MAML3: variants seen among roughly 807,000 people sequenced by gnomAD.
The protein encoded by MAML3 is mastermind like transcriptional coactivator 3, also known as mastermind-like protein 3.
Under a neutral mutation model 101.9 loss-of-function variants are expected in MAML3, and 27 were observed. The ratio of observed to expected loss-of-function variants is 0.27; its 90% CI spans 0.20 to 0.37. The LOEUF (loss-of-function observed/expected upper bound fraction) is 0.37, where lower values mean the gene tolerates loss of function less well. Among genes scored for constraint, MAML3 ranks in the 10% least tolerant of loss-of-function variants. MAML3 has a pLI of 1.00. For missense variants in MAML3, 1,316 were observed against 1,444.9 expected, an observed-to-expected ratio of 0.91 and a Z score of 1.45; for synonymous variants, 501 against 555.9, an observed-to-expected ratio of 0.90 and a Z score of 1.39.
chr4:139,828,975 GAGGAAGGAAGGAAGGA>G (rs548032946), intron 2 of MAML3, among the ~76,000 whole-genome samples: 7 of 135,088 alleles, frequency 5.2e-5, no homozygotes, highest in African/African-American at 1.4e-4. Context: ...CCTGTTGAAA[GAGGAAGGAAGGAAGGA>G]AGGAAGGAAG....
rs58015886 is a variant in MAML3 at position 139,889,909 on chromosome 4, TTGCTGCTGC to T, written c.1518_1526del (p.Gln508_Gln510del). 7.1e-3 allele frequency: 10,424 copies of T among 1,475,070 alleles called. 339 individuals are homozygous for T. In the African/African-American group the frequency reaches 0.095, roughly 13 times the overall value. The allele number at this position is 1,475,070 out of a possible 1,614,324, so 91.4% of individuals were successfully genotyped here. On this transcript the variant is annotated inframe_deletion, in exon 2 of 5. Coordinates refer to ENST00000509479, the MANE Select transcript of MAML3 (RefSeq NM_018717.5). ...AATTTGAAGTCTGATTTGAGTGCTG[TTGCTGCTGC>T]TGCTGCTGCTGCTGCTGCTGCTGCT...
chr4:139,894,484 T>C (rs1015727095), intron 1 of MAML3, among the ~76,000 whole-genome samples: 35 of 146,926 alleles, frequency 2.4e-4, no homozygotes, highest in African/African-American at 8.4e-4. Flanking sequence ...CACTCTAGCC[T>C]GCTGACAGAG....
intron 1 of MAML3, among the ~76,000 whole-genome samples, chr4:140,130,023 A>T (rs1479738677): frequency 1.3e-5 from 2 of 152,134 alleles, no homozygotes; most frequent in Non-Finnish European, 2.9e-5. Context: ...ATTCTAATGA[A>T]TCCGCAATTG....
At chr4:140,069,433 AG>A (rs1727600143) in intron 1 of MAML3, among the ~76,000 whole-genome samples, 1 of 107,616 alleles carries the variant, frequency 9.3e-6, no homozygotes, top group Non-Finnish European at 2.0e-5. Flanking sequence ...AAGGAGGAGA[AG>A]GAGGAGAAGG....
At chr4:139,759,351 G>A (rs1435100858) in intron 2 of MAML3, among the ~76,000 whole-genome samples, 1 of 152,210 alleles carries the variant, frequency 6.6e-6, no homozygotes. Context: ...GAATGAACCT[G>A]CTGGAACAGG....
intron 2 of MAML3, among the ~76,000 whole-genome samples, chr4:139,743,965 A>T (rs1188719764): frequency 6.6e-6 from 1 of 152,216 alleles, no homozygotes; most frequent in Non-Finnish European, 1.5e-5. Flanking sequence ...CCCTATGGCC[A>T]TAGAGTCCTG....
At chr4:139,748,049 C>T (rs868650471) in intron 2 of MAML3, among the ~76,000 whole-genome samples, 4 of 69,048 alleles carry the variant, frequency 5.8e-5, no homozygotes, top group African/African-American at 1.7e-4. Flanking sequence ...AGCAAGACTT[C>T]GTCTAAAAAA....
At chr4:139,842,356 CCT>C (rs1731376864) in intron 2 of MAML3, among the ~76,000 whole-genome samples, 1 of 152,100 alleles carries the variant, frequency 6.6e-6, no homozygotes, top group Non-Finnish European at 1.5e-5. Flanking sequence ...ATTATTATCC[CCT>C]GATTTTACAT....
intron 2 of MAML3, among the ~76,000 whole-genome samples, chr4:139,863,845 T>G (rs1731838246): frequency 1.3e-5 from 2 of 148,546 alleles, no homozygotes; most frequent in East Asian, 2.2e-4. Context: ...TTTTTTTTTT[T>G]TTTTTTTTTT....
intron 2 of MAML3, among the ~76,000 whole-genome samples, chr4:139,839,604 T>C (rs1170329551): frequency 6.6e-6 from 1 of 152,158 alleles, no homozygotes; most frequent in Non-Finnish European, 1.5e-5. Flanking sequence ...CCACCCTACA[T>C]TGTTTGTTGA....
chr4:139,862,629 C>T (rs1423165861), intron 2 of MAML3, among the ~76,000 whole-genome samples: 1 of 152,194 alleles, frequency 6.6e-6, no homozygotes, highest in East Asian at 1.9e-4. Context: ...AGTGGATACT[C>T]CTCCTCTTCA....
intron 2 of MAML3, among the ~76,000 whole-genome samples, chr4:139,852,418 T>TGTTG (rs1325660726): frequency 3.8e-5 from 5 of 130,824 alleles, no homozygotes; most frequent in African/African-American, 1.7e-4. Context: ...TTTTTTTTTT[T>TGTTG]TTTTTTTTTT....
intron 1 of MAML3, among the ~76,000 whole-genome samples, chr4:140,048,036 C>T (rs1470839314): frequency 2.6e-5 from 4 of 152,044 alleles, no homozygotes; most frequent in African/African-American, 4.8e-5. Flanking sequence ...TTTAAATGTC[C>T]CTTTACGAAG....
intron 2 of MAML3, among the ~76,000 whole-genome samples, chr4:139,821,726 T>C (rs1197119721): frequency 6.6e-6 from 1 of 152,234 alleles, no homozygotes; most frequent in Non-Finnish European, 1.5e-5. Flanking sequence ...GACTGTGGCA[T>C]GGTAGCTGAG....
chr4:139,991,015 T>C lies in MAML3; in HGVS notation c.469-100048A>G, dbSNP rs557559070. Among the ~76,000 whole-genome samples, 3 of 152,328 alleles carry C rather than the reference T, an allele frequency of 2.0e-5. No individual in the cohort carries two copies. The East Asian group carries it at 5.8e-4, about 29-fold the overall frequency. On this transcript the variant is annotated intron_variant, in intron 1 of 4. Coordinates refer to ENST00000509479, the MANE Select transcript of MAML3 (RefSeq NM_018717.5). Reference sequence around the variant, plus strand: ...AGATTCAATGCCATCCCCATCAAGCTACCAATGACTTTCTTCACAGAATTG... The same window carrying C: ...AGATTCAATGCCATCCCCATCAAGCCACCAATGACTTTCTTCACAGAATTG...
chr4:140,122,470 C>T (rs1418602864), intron 1 of MAML3, among the ~76,000 whole-genome samples: 1 of 152,096 alleles, frequency 6.6e-6, no homozygotes, highest in Admixed American at 6.5e-5. Context: ...GATCTGCCTG[C>T]CTTAGCCTAC....
At chr4:140,014,511 G>T (rs1184104900) in intron 1 of MAML3, among the ~76,000 whole-genome samples, 1 of 152,146 alleles carries the variant, frequency 6.6e-6, no homozygotes, top group South Asian at 2.1e-4. Context: ...TTAGTCATTC[G>T]ACAAATATTC....
At chr4:139,863,581 C>G (rs1252244593) in intron 2 of MAML3, among the ~76,000 whole-genome samples, 1 of 152,008 alleles carries the variant, frequency 6.6e-6, no homozygotes, top group African/African-American at 2.4e-5. Context: ...AACTCCTGAC[C>G]TTAGGTGATC....
intron 1 of MAML3, among the ~76,000 whole-genome samples, chr4:139,971,634 A>C (rs1734236783): frequency 6.6e-6 from 1 of 152,108 alleles, no homozygotes; most frequent in Non-Finnish European, 1.5e-5. Context: ...AAATAATTTT[A>C]ATTTTTTTTC....
Sources: allele counts gnomAD v4.1 joint callset (sites outside exome capture counted in the v4.1 genomes callset), GRCh38; gene constraint gnomAD v4.1.1; transcripts MANE v1.5; gene names NCBI Gene and HGNC (gene_info 2026-07-23, HGNC 2026-07-21).